Variants in ACAD11 observed in about 807,000 individuals in gnomAD.
ACAD11 encodes the protein acyl-Coenzyme A dehydrogenase family, member 11.
Under a neutral mutation model 102.2 loss-of-function variants are expected in ACAD11, and 83 were observed. That is an observed-to-expected ratio of 0.81 (90% CI 0.68 to 0.97). The LOEUF is 0.97. Among genes scored for constraint, ACAD11 ranks in the 50% least tolerant of loss-of-function variants. The pLI, the probability that ACAD11 is intolerant of heterozygous loss-of-function variation, is 0.00. For missense variants in ACAD11, 901 were observed against 951.7 expected, an observed-to-expected ratio of 0.95 and a Z score of 0.70; for synonymous variants, 324 against 319.8, an observed-to-expected ratio of 1.01 and a Z score of -0.14.
At chr3:132,583,104 G>A (rs1200024723) in intron 13 of ACAD11, among the ~76,000 whole-genome samples, 1 of 152,064 alleles carries the variant, frequency 6.6e-6, no homozygotes, top group Non-Finnish European at 1.5e-5. Context: ...TCTATTGATT[G>A]GAATAGTTTC....
intron 1 of ACAD11, among the ~76,000 whole-genome samples, chr3:132,655,975 T>C: frequency 6.6e-6 from 1 of 152,242 alleles, no homozygotes; most frequent in East Asian, 1.9e-4. Flanking sequence ...TGAGGAATAG[T>C]AATGCCACAA....
chr3:132,615,715 T>C (rs1236413581), intron 11 of ACAD11, among the ~76,000 whole-genome samples: 1 of 152,048 alleles, frequency 6.6e-6, no homozygotes, highest in African/African-American at 2.4e-5. Context: ...TTAAGAGAAA[T>C]ACCTAATGTA....
chr3:132,636,250 G>A (rs1940271978), intron 5 of ACAD11, among the ~76,000 whole-genome samples: 2 of 152,126 alleles, frequency 1.3e-5, no homozygotes, highest in South Asian at 4.1e-4. Flanking sequence ...TTTAGTGGTT[G>A]ATCTGGACAT....
intron 13 of ACAD11, among the ~76,000 whole-genome samples, chr3:132,582,253 C>T (rs542299418): frequency 6.6e-6 from 1 of 151,074 alleles, no homozygotes; most frequent in Non-Finnish European, 1.5e-5. Context: ...CCAATGGATA[C>T]TGTCTAAAAT....
chr3:132,635,802 G>C (rs960469312), intron 5 of ACAD11, among the ~76,000 whole-genome samples: 6 of 152,060 alleles, frequency 3.9e-5, no homozygotes, highest in African/African-American at 1.4e-4. Context: ...GAAAAAAATT[G>C]ATCACTCCTT....
At chr3:132,565,626 G>C (rs1937187864) in intron 17 of ACAD11, among the ~76,000 whole-genome samples, 1 of 152,158 alleles carries the variant, frequency 6.6e-6, no homozygotes, top group Non-Finnish European at 1.5e-5. Flanking sequence ...GATATAGTTT[G>C]GATGCTTGTC....
intron 1 of ACAD11, chr3:132,648,908 A>T (rs1357213320): frequency 6.6e-6 from 1 of 152,288 alleles, no homozygotes; most frequent in Non-Finnish European, 1.5e-5. Flanking sequence ...AGATGCTGTT[A>T]ATCTGTAACT....
intron 3 of ACAD11, 88 bp downstream of exon 3, chr3:132,642,589 A>G (rs1940565528): frequency 7.5e-7 from 1 of 1,332,744 alleles, no homozygotes; most frequent in East Asian, 2.5e-5. Context: ...AACAAACTAT[A>G]TCATTTATTA....
In ACAD11 at chr3:132,615,438, A is replaced by G. The variant is rs539129802; in HGVS notation, c.1414+3196T>C. ...TTGGACCCAATCCAAATGCCCATCA[A>G]TGACAGACTGGATAAAGAAAATGTG... On this transcript the variant is annotated intron_variant, in intron 11 of 19. Coordinates refer to ENST00000264990, the MANE Select transcript of ACAD11 (RefSeq NM_032169.5). Among the ~76,000 whole-genome samples, 13 of 152,358 alleles carry G rather than the reference A, an allele frequency of 8.5e-5. No individual in the cohort carries two copies. In the South Asian group the frequency reaches 2.3e-3, roughly 27 times the overall value.
intron 13 of ACAD11, among the ~76,000 whole-genome samples, chr3:132,588,586 A>G (rs1474475393): frequency 1.3e-5 from 2 of 152,216 alleles, no homozygotes; most frequent in Non-Finnish European, 2.9e-5. Flanking sequence ...TACTATAAAT[A>G]ACATACGTAA....
chr3:132,647,658 G>T (rs1235068426), intron 1 of ACAD11, among the ~76,000 whole-genome samples: 2 of 152,178 alleles, frequency 1.3e-5, no homozygotes, highest in Non-Finnish European at 2.9e-5. Flanking sequence ...CCCCCTTGGT[G>T]ACAGCTCAGG....
At chr3:132,610,450 G>C (rs1939085444) in intron 11 of ACAD11, among the ~76,000 whole-genome samples, 1 of 152,036 alleles carries the variant, frequency 6.6e-6, no homozygotes, top group Non-Finnish European at 1.5e-5. Context: ...TTTTTGAAAA[G>C]ATCAACAAAA....
chr3:132,634,499 G>A (rs571640399), intron 5 of ACAD11, among the ~76,000 whole-genome samples: 16 of 152,008 alleles, frequency 1.1e-4, no homozygotes, highest in South Asian at 2.1e-4. Context: ...TCAGTGTGGC[G>A]ATTCCTCAGG....
intron 13 of ACAD11, among the ~76,000 whole-genome samples, chr3:132,581,576 T>G (rs1937598277): frequency 6.6e-6 from 1 of 151,924 alleles, no homozygotes; most frequent in South Asian, 2.1e-4. Context: ...TCTAGAGATG[T>G]GTGTATATGT....
At chr3:132,653,250 A>G (rs1048515921) in intron 1 of ACAD11, among the ~76,000 whole-genome samples, 1 of 152,106 alleles carries the variant, frequency 6.6e-6, no homozygotes, top group East Asian at 1.9e-4. Context: ...CAAACCTCAA[A>G]CACTTTCTTC....
At chr3:132,620,811 T>C (rs868675662) in intron 9 of ACAD11, among the ~76,000 whole-genome samples, 5 of 152,198 alleles carry the variant, frequency 3.3e-5, no homozygotes, top group African/African-American at 1.2e-4. Context: ...GATAAAAATA[T>C]GGGGGCCTAA....
At chr3:132,658,464 T>C (rs1019147228) in intron 1 of ACAD11, among the ~76,000 whole-genome samples, 1 of 152,238 alleles carries the variant, frequency 6.6e-6, no homozygotes, top group African/African-American at 2.4e-5. Flanking sequence ...TCAACACTCC[T>C]ACAATATGAA....
intron 13 of ACAD11, among the ~76,000 whole-genome samples, chr3:132,598,379 C>T (rs572090884): frequency 6.6e-6 from 1 of 152,276 alleles, no homozygotes; most frequent in African/African-American, 2.4e-5. Flanking sequence ...AGAGTAACAG[C>T]TTTATACCTG....
chr3:132,563,347 T>C (rs1937118791), intron 17 of ACAD11, among the ~76,000 whole-genome samples: 2 of 152,226 alleles, frequency 1.3e-5, no homozygotes, highest in African/African-American at 4.8e-5. Context: ...AAAATTGTCC[T>C]TTTGGGACTG....
Sources: allele counts gnomAD v4.1 joint callset (sites outside exome capture counted in the v4.1 genomes callset), GRCh38; gene constraint gnomAD v4.1.1; transcripts MANE v1.5; gene names NCBI Gene and HGNC (gene_info 2026-07-23, HGNC 2026-07-21).